Variants in BARX2 observed in about 807,000 individuals in gnomAD.
The protein encoded by BARX2 is BARX homeobox 2.
BARX2 carries 11 observed loss-of-function variants against 25.5 expected under a neutral mutation model. That is an observed-to-expected ratio of 0.43 (90% CI 0.27 to 0.71). The LOEUF is 0.71. Ranked by LOEUF, BARX2 falls within the 30% of genes least tolerant of loss-of-function variation. BARX2 has a pLI of 0.19. For missense variants in BARX2, 360 were observed against 359.9 expected (o/e 1.00, Z 0.00); for synonymous variants, 137 against 149.5 (o/e 0.92, Z 0.61).
At chr11:129,396,997 T>G in intron 1 of BARX2, among the ~76,000 whole-genome samples, 1 of 152,096 alleles carries the variant, frequency 6.6e-6, no homozygotes, top group Non-Finnish European at 1.5e-5. Flanking sequence ...CTTTAAAAAC[T>G]TACAAGGCTG....
intron 3 of BARX2, among the ~76,000 whole-genome samples, chr11:129,447,244 G>A (rs1862341834): frequency 6.6e-6 from 1 of 152,168 alleles, no homozygotes; most frequent in Non-Finnish European, 1.5e-5. Context: ...GCTGCTTGGA[G>A]GGAAGCAAAA....
intron 1 of BARX2, among the ~76,000 whole-genome samples, chr11:129,432,398 A>G (rs1862139934): frequency 6.6e-6 from 1 of 152,218 alleles, no homozygotes; most frequent in South Asian, 2.1e-4. Flanking sequence ...TCCACATTAA[A>G]TGATGTTTCT....
At chr11:129,386,366 C>T (rs568113031) in intron 1 of BARX2, among the ~76,000 whole-genome samples, 1 of 152,184 alleles carries the variant, frequency 6.6e-6, no homozygotes, top group Admixed American at 6.5e-5. Flanking sequence ...CAGAAATTAT[C>T]TAAGGACAGC....
chr11:129,391,561 G>C (rs1861665921), intron 1 of BARX2, among the ~76,000 whole-genome samples: 1 of 152,238 alleles, frequency 6.6e-6, no homozygotes, highest in East Asian at 1.9e-4. Context: ...TGTCATTCCA[G>C]GGCACAAAAA....
intron 3 of BARX2, among the ~76,000 whole-genome samples, chr11:129,448,764 A>G (rs1050523825): frequency 2.0e-5 from 3 of 152,218 alleles, no homozygotes; most frequent in Non-Finnish European, 4.4e-5. Context: ...CTTCTTTCCC[A>G]TGTTCACAGC....
At position 129,436,961 on chromosome 11, in the gene BARX2, C is replaced by A. The variant is rs1030056334; in HGVS notation, c.398C>A (p.Pro133His). The A allele has an allele frequency of 1.2e-6, 2 of 1,611,808 alleles. No homozygotes were observed. Among genetic ancestry groups the A allele is most frequent in the African/African-American group, 2.7e-5 (2 of 74,916 alleles). The change falls in exon 2 of 4, where the codon CCC becomes CAC. Residue 133 changes from proline (P) to histidine (H), a missense_variant. By Grantham distance (77) the Pro-to-His change is moderately conservative (BLOSUM62 -2). Transcript: ENST00000281437. This position sits in a 1 kb window ranked among gnomAD's most constrained non-coding sequence, Gnocchi z 4.5. ...CAGCCCACGCCCCGACAGAAGAAGC[C>A]CCGCCGGAGTCGCACCATCTTCACC... ...TEQPTPRQKK[P>H]RRSRTIFTEL...
chr11:129,437,198 C>A, intron 2 of BARX2, 147 bp downstream of exon 2: 1 of 974,552 alleles, frequency 1.0e-6, no homozygotes, highest in Non-Finnish European at 1.4e-6. Context: ...TCATCTCAAC[C>A]TTGGTTAACA....
chr11:129,387,743 G>T (rs1861629497), intron 1 of BARX2, among the ~76,000 whole-genome samples: 1 of 152,154 alleles, frequency 6.6e-6, no homozygotes, highest in African/African-American at 2.4e-5. Context: ...GGGAGATTGG[G>T]CCTTTGCTGG....
intron 1 of BARX2, among the ~76,000 whole-genome samples, chr11:129,407,775 G>T (rs1391069563): frequency 6.6e-6 from 1 of 152,076 alleles, no homozygotes; most frequent in African/African-American, 2.4e-5. Flanking sequence ...ATACAGTGTG[G>T]TAGGGGTGTG....
chr11:129,409,818 C>T (rs1408328699), intron 1 of BARX2, among the ~76,000 whole-genome samples: 1 of 152,148 alleles, frequency 6.6e-6, no homozygotes, highest in Non-Finnish European at 1.5e-5. Flanking sequence ...TCATCTTATT[C>T]ACCTGCAGTT....
At chr11:129,389,865 T>C (rs1861650732) in intron 1 of BARX2, among the ~76,000 whole-genome samples, 1 of 152,176 alleles carries the variant, frequency 6.6e-6, no homozygotes, top group Non-Finnish European at 1.5e-5. Flanking sequence ...CCTAGTATAT[T>C]ATTGGGTCTG....
At chr11:129,425,271 A>C (rs1038848581) in intron 1 of BARX2, among the ~76,000 whole-genome samples, 2 of 152,188 alleles carry the variant, frequency 1.3e-5, no homozygotes, top group African/African-American at 4.8e-5. Flanking sequence ...AAACAACATA[A>C]CTCCTAATTC....
chr11:129,446,042 A>G lies in BARX2; in HGVS notation c.573+3123A>G, dbSNP rs1198956284. Among the ~76,000 whole-genome samples the G allele has an allele frequency of 2.0e-5, 3 of 152,342 alleles. No individual in the cohort carries two copies. The East Asian group carries it at 5.8e-4, about 29-fold the overall frequency. On this transcript the variant is annotated intron_variant, in intron 3 of 3. Transcript: ENST00000281437. ...GTAACTTTGCCAGAACCGAGATAGC[A>G]TCTCTGACGAATTCTGACCCGTCAG...
Position 129,451,304 on chromosome 11 carries a change from G to T in BARX2, c.742G>T (p.Glu248Ter). Residue 248 changes from glutamate to a stop codon, truncating the protein, a stop_gained, in exon 4 of 4, where the codon GAA becomes TAA. Transcript: ENST00000281437. LOFTEE classifies it high-confidence loss of function. Reference protein sequence around the residue: ...QGQEELCEAQEPKARDVPLEM... With the variant: ...QGQEELCEAQ The stretch of plus-strand genomic sequence containing the variant: ...GCAGGAGGAGCTCTGTGAAGCACAG[G>T]AACCGAAAGCACGTGATGTCCCCTT... The T allele has an allele frequency of 1.9e-6, 3 of 1,614,172 alleles. No individual in the cohort carries two copies. The highest frequency in any genetic ancestry group is 2.5e-6 in the Non-Finnish European group (3 of 1,180,040).
At chr11:129,409,777 T>A (rs1373580713) in intron 1 of BARX2, among the ~76,000 whole-genome samples, 1 of 152,216 alleles carries the variant, frequency 6.6e-6, no homozygotes, top group Admixed American at 6.5e-5. Context: ...TTTTGGTGAG[T>A]CTTTTTTCAT....
chr11:129,436,496 C>T lies in BARX2; in HGVS notation c.188-255C>T. 3 of 400,098 alleles carry T rather than the reference C, an allele frequency of 7.5e-6. No individual in the cohort carries two copies. The highest frequency in any genetic ancestry group is 1.3e-5 in the Non-Finnish European group (3 of 227,316). 24.8% of individuals were successfully genotyped at this position (400,098 alleles called of 1,614,324 possible). On this transcript the variant is annotated intron_variant, in intron 1 of 3. Transcript: ENST00000281437. This position sits in a 1 kb window ranked among gnomAD's most constrained non-coding sequence, Gnocchi z 4.5. Reference sequence around the variant, plus strand: ...CGAAGGGAGAGAGGGGAAAGATCTGCTTAAAACCAGAGGACTTGCAGGAAC... The same window carrying T: ...CGAAGGGAGAGAGGGGAAAGATCTGTTTAAAACCAGAGGACTTGCAGGAAC...
intron 1 of BARX2, among the ~76,000 whole-genome samples, chr11:129,425,133 A>T (rs1862048550): frequency 6.6e-6 from 1 of 152,370 alleles, no homozygotes; most frequent in East Asian, 1.9e-4. Flanking sequence ...TCAGAACCAC[A>T]TCTCTAGCCC....
intron 1 of BARX2, among the ~76,000 whole-genome samples, chr11:129,431,889 A>G (rs1862133411): frequency 1.3e-5 from 2 of 151,964 alleles, no homozygotes; most frequent in South Asian, 4.2e-4. Context: ...GTTTCTTTCT[A>G]AAAATTTTAT....
chr11:129,422,441 G>A (rs1031245696), intron 1 of BARX2, among the ~76,000 whole-genome samples: 11 of 152,184 alleles, frequency 7.2e-5, no homozygotes, highest in African/African-American at 2.6e-4. Context: ...TAGGACTACA[G>A]GCACACACCA....
Sources: gnomAD v4.1 joint callset for allele counts (sites outside exome capture counted in the v4.1 genomes callset) on GRCh38, gnomAD v4.1.1 for gene constraint, Gnocchi (gnomAD v3.1) non-coding constraint, MANE v1.5 for transcripts, NCBI Gene and HGNC (gene_info 2026-07-23, HGNC 2026-07-21) for gene names.